The following STK38L variants were observed in gnomAD, a reference collection of about 807,000 sequenced individuals.
STK38L encodes serine/threonine-protein kinase 38-like.
Under a neutral mutation model 59.7 loss-of-function variants are expected in STK38L, and 28 were observed. The observed-to-expected ratio is 0.47, with a 90% confidence interval of 0.35 to 0.64. STK38L has a LOEUF of 0.64. Ranked by LOEUF, STK38L falls within the 30% of genes least tolerant of loss-of-function variation. The probability of loss-of-function intolerance (pLI) is 0.01; values close to 1 mark genes in which losing one functional copy is unlikely to be tolerated. For synonymous variants in STK38L, 162 were observed against 176.8 expected, an observed-to-expected ratio of 0.92 and a Z score of 0.66; for missense variants, 314 against 555.8, an observed-to-expected ratio of 0.56 and a Z score of 4.37.
At chr12:27,259,822 A>G (rs540720991) in intron 1 of STK38L, among the ~76,000 whole-genome samples, 8 of 152,274 alleles carry the variant, frequency 5.3e-5, no homozygotes, top group Non-Finnish European at 8.8e-5. Context: ...ACTTCCTGAT[A>G]CCATCCTGTG....
At chr12:27,248,637 GT>G (rs35094448) in intron 1 of STK38L, among the ~76,000 whole-genome samples, 12,038 of 152,194 alleles carry the variant, frequency 0.079, 607 homozygotes, top group Middle Eastern at 0.15. Flanking sequence ...CGTACTCATA[GT>G]TTAAGTACAG....
chr12:27,274,748 G>A (rs892434364), intron 1 of STK38L, among the ~76,000 whole-genome samples: 14 of 152,118 alleles, frequency 9.2e-5, no homozygotes, highest in African/African-American at 3.4e-4. Context: ...TTCCAAACTC[G>A]TCTCTTTTAT....
In STK38L at chr12:27,317,356, A is replaced by G; in HGVS notation, c.858A>G (p.Thr286=). 6.2e-7 allele frequency: 1 copy of G among 1,611,010 alleles called. No homozygotes were observed. Among genetic ancestry groups the G allele is most frequent in the Non-Finnish European group, 8.5e-7 (1 of 1,179,292 alleles). The change falls in exon 10 of 14, where the codon ACA becomes ACG. Residue 286 remains threonine (T), a synonymous_variant. Transcript: ENST00000389032. ...RRQLAYSTVG[T]PDYIAPEVFM... is the part of the protein sequence containing the mutation. ...TGTAGGCATATTCCACAGTTGGGAC[A>G]CCAGATTACATTGCTCCAGAAGTAT...
intron 1 of STK38L, among the ~76,000 whole-genome samples, chr12:27,277,462 G>C (rs897284356): frequency 6.6e-5 from 10 of 151,794 alleles, no homozygotes; most frequent in Admixed American, 6.6e-4. Context: ...GGGTTAAATA[G>C]TCTTTAACTC....
At chr12:27,288,586 C>A (rs763216994) in intron 1 of STK38L, among the ~76,000 whole-genome samples, 4 of 151,982 alleles carry the variant, frequency 2.6e-5, no homozygotes, top group Non-Finnish European at 4.4e-5. Context: ...ATCTGTCTTT[C>A]CCCCAACCAT....
At chr12:27,278,481 A>T (rs972484481) in intron 1 of STK38L, among the ~76,000 whole-genome samples, 1 of 152,096 alleles carries the variant, frequency 6.6e-6, no homozygotes, top group African/African-American at 2.4e-5. Context: ...TAGCATGCTC[A>T]TATCATGTCT....
At chr12:27,295,099 G>A (rs1310714676) in intron 1 of STK38L, among the ~76,000 whole-genome samples, 1 of 152,198 alleles carries the variant, frequency 6.6e-6, no homozygotes, top group Admixed American at 6.5e-5. Flanking sequence ...TAGCAATTCA[G>A]TAAGAGCAGC....
In STK38L at chr12:27,295,858, C is replaced by G. The variant is rs1260086455; in HGVS notation, c.-11-1852C>G. ...CTGGGCCATAAAGGATCAGCAGATT[C>G]CTGCAGAGACATATCCTGCAGTGGA... is the stretch of plus-strand genomic sequence containing the variant. On this transcript the variant is annotated intron_variant, in intron 1 of 13. Coordinates refer to ENST00000389032, the MANE Select transcript of STK38L (RefSeq NM_015000.4). 2.6e-5 allele frequency among the ~76,000 whole-genome samples: 4 copies of G among 152,266 alleles called. No homozygotes were observed. The South Asian group carries it at 6.2e-4, about 24-fold the overall frequency.
chr12:27,302,348 G>C (rs527429974), intron 3 of STK38L, 160 bp downstream of exon 3: 2 of 515,600 alleles, frequency 3.9e-6, no homozygotes, highest in South Asian at 1.0e-4. Context: ...TCTTTAGAAG[G>C]AGGCAGTTTT....
rs540452502 is a variant in STK38L, at chr12:27,246,691, C to G, written c.-12+2359C>G. Among the ~76,000 whole-genome samples, 6 of 152,252 alleles carry G rather than the reference C, an allele frequency of 3.9e-5. No homozygotes were observed. The East Asian group carries it at 1.2e-3, about 29-fold the overall frequency. On this transcript the variant is annotated intron_variant, in intron 1 of 13. Transcript: ENST00000389032. ...GAAGCATATCCTCCTCTTCTTCCCCCCAAAATTTTTGTTTAAGTCTTAAGA... is the reference window on the plus strand; with the variant it reads ...GAAGCATATCCTCCTCTTCTTCCCCGCAAAATTTTTGTTTAAGTCTTAAGA...
intron 1 of STK38L, among the ~76,000 whole-genome samples, chr12:27,293,304 C>A (rs549701552): frequency 1.3e-4 from 20 of 152,264 alleles, no homozygotes; most frequent in Non-Finnish European, 2.2e-4. Context: ...AGCAGACCAT[C>A]TCCTACAGCC....
chr12:27,254,184 T>C (rs915456481), intron 1 of STK38L, among the ~76,000 whole-genome samples: 2 of 152,184 alleles, frequency 1.3e-5, no homozygotes, highest in African/African-American at 4.8e-5. Context: ...AGGGAGGGGA[T>C]TGTGGTAGGA....
chr12:27,315,002 GA>G lies in STK38L; in HGVS notation c.673-12del, dbSNP rs1012610781. 2 of 1,579,044 alleles carry G rather than the reference GA, an allele frequency of 1.3e-6. No individual in the cohort carries two copies. Among genetic ancestry groups the G allele is most frequent in the African/African-American group, 1.4e-5 (1 of 73,460 alleles). ...AAGTTAATATGATCTAATTTTACTG[GA>G]TTTTTTTTTAGGGTCATGTAAAATT... On this transcript the variant is annotated splice_polypyrimidine_tract_variant and intron_variant, in intron 7 of 13. Transcript: ENST00000389032.
In STK38L at chr12:27,315,793, T is replaced by C. The variant is rs1310466105; in HGVS notation, c.837+443T>C. Among the ~76,000 whole-genome samples, 11 of 152,310 alleles carry C rather than the reference T, an allele frequency of 7.2e-5. No homozygotes were observed. In the East Asian group the frequency reaches 1.9e-3, roughly 27 times the overall value. On this transcript the variant is annotated intron_variant, in intron 9 of 13. Coordinates refer to ENST00000389032, the MANE Select transcript of STK38L (RefSeq NM_015000.4). ...AACAGGAAGTTTGGGATGTAAACAG[T>C]GTTACAATAAAACAGATAAAATTTG...
At chr12:27,259,666 T>A (rs1286806981) in intron 1 of STK38L, among the ~76,000 whole-genome samples, 3 of 152,206 alleles carry the variant, frequency 2.0e-5, no homozygotes, top group Non-Finnish European at 4.4e-5. Context: ...CTATCATGTA[T>A]TAACTACACC....
chr12:27,279,490 C>T (rs543853754), intron 1 of STK38L, among the ~76,000 whole-genome samples: 26 of 151,934 alleles, frequency 1.7e-4, no homozygotes, highest in Middle Eastern at 3.4e-3. Context: ...TTTGGGAGGC[C>T]GAGGCGGGTG....
intron 1 of STK38L, among the ~76,000 whole-genome samples, chr12:27,292,616 T>A (rs1943920345): frequency 7.2e-6 from 1 of 138,740 alleles, no homozygotes; most frequent in Non-Finnish European, 1.6e-5. Flanking sequence ...ACAGACTGCC[T>A]ACTGTGTGCT....
chr12:27,284,979 A>G (rs1229443079), intron 1 of STK38L, among the ~76,000 whole-genome samples: 2 of 152,148 alleles, frequency 1.3e-5, no homozygotes, highest in Non-Finnish European at 2.9e-5. Flanking sequence ...TTTAGTTGGG[A>G]ACAGTTTTTT....
At chr12:27,315,855 C>T (rs1217707085) in intron 9 of STK38L, among the ~76,000 whole-genome samples, 2 of 152,146 alleles carry the variant, frequency 1.3e-5, no homozygotes, top group Admixed American at 6.5e-5. Context: ...TTTAATTACT[C>T]CTTTAATATA....
Sources: gnomAD v4.1 joint callset for allele counts (sites outside exome capture counted in the v4.1 genomes callset) on GRCh38, gnomAD v4.1.1 for gene constraint, MANE v1.5 for transcripts, NCBI Gene and HGNC (gene_info 2026-07-23, HGNC 2026-07-21) for gene names.